Variants in SV2C observed in about 807,000 individuals in gnomAD.
The protein encoded by SV2C is synaptic vesicle glycoprotein 2C.
SV2C carries 49 observed loss-of-function variants against 79.7 expected under a neutral mutation model. That is an observed-to-expected ratio of 0.61 (90% CI 0.49 to 0.78). The LOEUF (loss-of-function observed/expected upper bound fraction) is 0.78, where lower values mean the gene tolerates loss of function less well. Among genes scored for constraint, SV2C ranks in the 30% least tolerant of loss-of-function variants. The pLI, the probability that SV2C is intolerant of heterozygous loss-of-function variation, is 0.00. For missense variants in SV2C, 833 were observed against 912.9 expected (o/e 0.91, Z 1.13); for synonymous variants, 334 against 333.2 (o/e 1.00, Z -0.03).
chr5:75,918,400 T>A, the SV2C span, among the ~76,000 whole-genome samples: 1 of 152,268 alleles, frequency 6.6e-6, no homozygotes, highest in Non-Finnish European at 1.5e-5. Flanking sequence ...GATAGTTGCA[T>A]ACGTATTTTT....
chr5:76,150,986 T>C (rs1285211885), intron 2 of SV2C, among the ~76,000 whole-genome samples: 1 of 152,178 alleles, frequency 6.6e-6, no homozygotes, highest in East Asian at 1.9e-4. Flanking sequence ...TGTAATCTGT[T>C]GTATGGCAAA....
At chr5:75,980,797 C>T in the SV2C span, among the ~76,000 whole-genome samples, 26 of 152,086 alleles carry the variant, frequency 1.7e-4, no homozygotes, top group Admixed American at 1.1e-3. Flanking sequence ...TCTTGAAAAC[C>T]GGCACAAGGA....
chr5:76,285,191 C>G lies in SV2C; in HGVS notation c.943C>G (p.Gln315Glu). 1 of 1,614,202 alleles carries G rather than the reference C, an allele frequency of 6.2e-7. No homozygotes were observed. The highest frequency in any genetic ancestry group is 2.2e-5 in the East Asian group (1 of 44,886). The change falls in exon 5 of 13, where the codon CAG becomes GAG. Residue 315 changes from glutamine (Q) to glutamate (E), a missense_variant. Coordinates refer to ENST00000502798, the MANE Select transcript of SV2C (RefSeq NM_014979.4). ...GWSFSMGSAYQFHSWRVFVIV... is the reference protein window; with the variant it reads ...GWSFSMGSAYEFHSWRVFVIV... ...GAGCTTCAGCATGGGATCGGCCTAC[C>G]AGTTTCACAGTTGGCGTGTGTTTGT...
intron 3 of SV2C, 112 bp downstream of exon 3, chr5:76,195,211 C>G (rs1340727622): frequency 9.1e-7 from 1 of 1,101,744 alleles, no homozygotes; most frequent in Non-Finnish European, 1.3e-6. Context: ...CTTCCATATC[C>G]TCATGTCAGC....
chr5:76,194,997 C>G lies in SV2C; in HGVS notation c.659C>G (p.Ser220Cys), dbSNP rs756955373. The part of the protein sequence containing the change: ...GLADKVGRKQ[S>C]LLICMSVNGF... ...GCAGACAAAGTGGGAAGGAAACAGT[C>G]TCTTCTGATTTGCATGTCTGTCAAC... Residue 220 changes from serine (S) to cysteine (C), a missense_variant, in exon 3 of 13, where the codon TCT becomes TGT. By Grantham distance (112) the Ser-to-Cys change is moderately radical. Transcript: ENST00000502798. The G allele has an allele frequency of 2.4e-5, 38 of 1,614,032 alleles. No homozygotes were observed. Among genetic ancestry groups the G allele is most frequent in the Non-Finnish European group, 3.2e-5 (38 of 1,179,920 alleles).
intron 12 of SV2C, among the ~76,000 whole-genome samples, chr5:76,307,243 A>C (rs1194238717): frequency 1.3e-5 from 2 of 152,230 alleles, no homozygotes; most frequent in East Asian, 3.8e-4. Context: ...GCTATTCTAG[A>C]AGCAGGCAAC....
At chr5:76,068,340 T>C in the SV2C span, among the ~76,000 whole-genome samples, 1 of 152,204 alleles carries the variant, frequency 6.6e-6, no homozygotes, top group Admixed American at 6.5e-5. Flanking sequence ...ATGATTATTA[T>C]TAATGTATTT....
chr5:75,927,102 G>C, the SV2C span, among the ~76,000 whole-genome samples: 2 of 152,090 alleles, frequency 1.3e-5, no homozygotes, highest in African/African-American at 4.8e-5. Context: ...AATGCAGGTG[G>C]ATATCAGTGC....
At chr5:76,231,872 A>C (rs1745433828) in intron 4 of SV2C, among the ~76,000 whole-genome samples, 1 of 145,676 alleles carries the variant, frequency 6.9e-6, no homozygotes, top group African/African-American at 2.8e-5. Flanking sequence ...AGTCTTTGCT[A>C]TTGTGAATAA....
chr5:75,937,468 AG>A, the SV2C span, among the ~76,000 whole-genome samples: 1 of 152,142 alleles, frequency 6.6e-6, no homozygotes, highest in African/African-American at 2.4e-5. Flanking sequence ...TGGGAGGCTG[AG>A]ATGGGAGGAT....
the SV2C span, among the ~76,000 whole-genome samples, chr5:75,896,651 C>T: frequency 6.6e-6 from 1 of 151,706 alleles, no homozygotes; most frequent in African/African-American, 2.4e-5. Context: ...ACACTGACTT[C>T]CACAATGGTT....
the SV2C span, among the ~76,000 whole-genome samples, chr5:75,924,320 T>A: frequency 9.2e-5 from 14 of 152,096 alleles, no homozygotes; most frequent in Non-Finnish European, 2.1e-4. Flanking sequence ...ACTGCTCATG[T>A]TACAGGTGCA....
chr5:75,934,758 G>A, the SV2C span, among the ~76,000 whole-genome samples: 5 of 152,040 alleles, frequency 3.3e-5, no homozygotes, highest in Non-Finnish European at 2.9e-5. Context: ...GTGTGTGGGG[G>A]TACATGATCA....
At chr5:76,297,472 C>T (rs992203269) in intron 9 of SV2C, among the ~76,000 whole-genome samples, 1 of 152,100 alleles carries the variant, frequency 6.6e-6, no homozygotes, top group Non-Finnish European at 1.5e-5. Context: ...AATTGTGCAC[C>T]ATGTGTACTC....
At chr5:76,004,742 G>C in the SV2C span, among the ~76,000 whole-genome samples, 3 of 152,098 alleles carry the variant, frequency 2.0e-5, no homozygotes, top group Non-Finnish European at 4.4e-5. Flanking sequence ...CCTGCATGAT[G>C]ACCCCGCGAA....
chr5:76,173,933 A>G, intron 2 of SV2C: 1 of 1,582,214 alleles, frequency 6.3e-7, no homozygotes, highest in Non-Finnish European at 8.7e-7. Flanking sequence ...CTGTGCTGTG[A>G]TGGAATAAAC....
At chr5:75,968,139 C>T in the SV2C span, among the ~76,000 whole-genome samples, 1 of 152,160 alleles carries the variant, frequency 6.6e-6, no homozygotes, top group East Asian at 1.9e-4. Context: ...AACTAACAAA[C>T]AGGAAGGACA....
At chr5:75,992,100 T>C in the SV2C span, among the ~76,000 whole-genome samples, 1 of 151,976 alleles carries the variant, frequency 6.6e-6, no homozygotes, top group Non-Finnish European at 1.5e-5. Flanking sequence ...TTAGATGTAT[T>C]TCTGAAAAAT....
chr5:75,934,093 A>C, the SV2C span, among the ~76,000 whole-genome samples: 1 of 151,992 alleles, frequency 6.6e-6, no homozygotes, highest in Non-Finnish European at 1.5e-5. Flanking sequence ...TACCATCTCC[A>C]TTTTATGGAG....
Sources: gnomAD v4.1 joint callset for allele counts (sites outside exome capture counted in the v4.1 genomes callset) on GRCh38, gnomAD v4.1.1 for gene constraint, MANE v1.5 for transcripts, NCBI Gene and HGNC (gene_info 2026-07-23, HGNC 2026-07-21) for gene names.